ZNF721: variants seen among roughly 807,000 people sequenced by gnomAD.
ZNF721 encodes zinc finger protein 721.
Under a neutral mutation model 2.4 loss-of-function variants are expected in ZNF721, and 2 were observed. The observed-to-expected ratio is 0.82, with a 90% CI of 0.34 to 2.58. The LOEUF (loss-of-function observed/expected upper bound fraction) is 2.58. ZNF721 is among the 30% of genes most tolerant of loss of function. ZNF721 has a pLI of 0.11. For missense variants in ZNF721, 1,187 were observed against 1,085.5 expected, an observed-to-expected ratio of 1.09 and a Z score of -1.31; for synonymous variants, 398 against 381.8, an observed-to-expected ratio of 1.04 and a Z score of -0.50.
Position 442,729 on chromosome 4 carries a change from T to G in ZNF721, c.1738A>C (p.Thr580Pro), listed in dbSNP as rs1553863444. ...ANLYVHRRIH[T>P]GEKPYKCEEC... ...TCACATTTGTAAGGTTTCTCTCCAG[T>G]ATGAATTCTCCTATGTACATAAAGG... is the stretch of plus-strand genomic sequence containing the variant. Residue 580 changes from threonine to proline, a missense_variant, in exon 3 of 3, where the codon ACT (threonine) becomes CCT (proline). Coordinates refer to ENST00000511833, the MANE Select transcript of ZNF721 (RefSeq NM_133474.4). 6.2e-7 allele frequency: 1 copy of G among 1,614,220 alleles called. No homozygotes were observed. Among genetic ancestry groups the G allele is most frequent in the East Asian group, 2.2e-5 (1 of 44,882 alleles).
chr4:454,156 G>C (rs1714762759), intron 2 of ZNF721: 1 of 151,916 alleles, frequency 6.6e-6, no homozygotes, highest in South Asian at 2.1e-4. Flanking sequence ...GCAGTCCCCT[G>C]GGGGGGCCCT....
chr4:477,529 T>A (rs987034184), intron 1 of ZNF721, among the ~76,000 whole-genome samples: 1 of 152,042 alleles, frequency 6.6e-6, no homozygotes, highest in African/African-American at 2.4e-5. Context: ...TGAGCCACCG[T>A]GCCCGGCGCA....
chr4:490,926 C>G (rs1330833807), intron 1 of ZNF721, among the ~76,000 whole-genome samples: 1 of 151,222 alleles, frequency 6.6e-6, no homozygotes, highest in Non-Finnish European at 1.5e-5. Context: ...TGCACTCTAG[C>G]CTGGCAGGCA....
rs781793550 is a variant in ZNF721 at position 443,629 on chromosome 4, A to G, written c.838T>C (p.Leu280=). ...IHTGEKPFKC[L]ECGKAFNIST... is the part of the protein sequence containing the mutation. ...ATATTAAAGGCTTTACCACATTCTA[A>G]ACATTTAAAGGGTTTCTCGCCAGTA... The change falls in exon 3 of 3, where the codon TTA becomes CTA. Residue 280 remains leucine, a synonymous_variant. Coordinates refer to ENST00000511833, the MANE Select transcript of ZNF721 (RefSeq NM_133474.4). The G allele has an allele frequency of 1.2e-6, 2 of 1,613,514 alleles. No homozygotes were observed. The highest frequency in any genetic ancestry group is 4.5e-5 in the East Asian group (2 of 44,778).
chr4:492,916 T>C (rs191293410), intron 1 of ZNF721, among the ~76,000 whole-genome samples: 1 of 152,076 alleles, frequency 6.6e-6, no homozygotes, highest in Non-Finnish European at 1.5e-5. Flanking sequence ...ACAAAACTTA[T>C]TCACCTTTTT....
chr4:450,580 T>C (rs1331693933), intron 2 of ZNF721, among the ~76,000 whole-genome samples: 2 of 151,958 alleles, frequency 1.3e-5, no homozygotes, highest in East Asian at 1.9e-4. Flanking sequence ...CATCACTGTA[T>C]AAAAAATATC....
rs781989897 is a variant in ZNF721 at position 443,704 on chromosome 4, C to T, written c.763G>A (p.Gly255Ser). The T allele has an allele frequency of 6.2e-7, 1 of 1,614,086 alleles. No homozygotes were observed. Among genetic ancestry groups the T allele is most frequent in the Non-Finnish European group, 8.5e-7 (1 of 1,179,984 alleles). ...GEKPYKCKEC[G>S]KVISSSSSFA... ...CTTGAGGATGAGGAAATGACTTTGC[C>T]ACATTCCTTACATTTGTAGGGTTTC... Residue 255 changes from glycine (G) to serine (S), a missense_variant, in exon 3 of 3, where the codon GGC becomes AGC. Coordinates refer to ENST00000511833, the MANE Select transcript of ZNF721 (RefSeq NM_133474.4).
chr4:459,632 C>T (rs766598621), intron 2 of ZNF721, among the ~76,000 whole-genome samples: 6 of 152,044 alleles, frequency 3.9e-5, no homozygotes, highest in Non-Finnish European at 8.8e-5. Context: ...AGATCAAGAC[C>T]ATCCGTGGTT....
intron 1 of ZNF721, among the ~76,000 whole-genome samples, chr4:496,482 C>T (rs797035235): frequency 3.9e-5 from 6 of 152,234 alleles, no homozygotes; most frequent in African/African-American, 1.4e-4. Flanking sequence ...CAGACACCCT[C>T]ACGTGATTCT....
At chr4:488,225 T>C (rs1715943270) in intron 1 of ZNF721, among the ~76,000 whole-genome samples, 1 of 152,224 alleles carries the variant, frequency 6.6e-6, no homozygotes, top group Non-Finnish European at 1.5e-5. Context: ...TTGTGCTTTC[T>C]GTTCAATTAT....
At chr4:482,408 G>A (rs557163848) in intron 1 of ZNF721, among the ~76,000 whole-genome samples, 1 of 152,054 alleles carries the variant, frequency 6.6e-6, no homozygotes, top group Non-Finnish European at 1.5e-5. Context: ...CAGGGGATCC[G>A]CCCACCTCGG....
At chr4:444,581 A>T (rs1714412106) in intron 2 of ZNF721, 149 bp from the exon 3 acceptor site, 4 of 855,286 alleles carry the variant, frequency 4.7e-6, no homozygotes, top group Non-Finnish European at 6.9e-6. Flanking sequence ...TGTAACAAAC[A>T]TATGGTGATC....
chr4:459,123 A>C (rs1011031885), intron 2 of ZNF721, among the ~76,000 whole-genome samples: 13 of 152,216 alleles, frequency 8.5e-5, no homozygotes, highest in Non-Finnish European at 1.8e-4. Flanking sequence ...TGTCACCACC[A>C]GGCCTGCCTT....
intron 1 of ZNF721, among the ~76,000 whole-genome samples, chr4:474,872 T>A (rs1403340107): frequency 6.6e-6 from 1 of 151,382 alleles, no homozygotes; most frequent in African/African-American, 2.4e-5. Flanking sequence ...TGAGACTCCG[T>A]CTCAAAAAAT....
chr4:488,233 T>C (rs1314188560), intron 1 of ZNF721, among the ~76,000 whole-genome samples: 6 of 152,192 alleles, frequency 3.9e-5, no homozygotes, highest in Non-Finnish European at 8.8e-5. Flanking sequence ...TCTGTTCAAT[T>C]ATTTGTTCAA....
chr4:444,401 C>CA lies in ZNF721; in HGVS notation c.65dup (p.Leu22PhefsTer19), dbSNP rs782006060. The CA allele has an allele frequency of 5.0e-6, 8 of 1,590,414 alleles. No homozygotes were observed. Among genetic ancestry groups the CA allele is most frequent in the Non-Finnish European group, 6.8e-6 (8 of 1,170,578 alleles). On this transcript the variant is annotated frameshift_variant, in exon 3 of 3. Coordinates refer to ENST00000511833, the MANE Select transcript of ZNF721 (RefSeq NM_133474.4). LOFTEE classifies it low-confidence loss of function (END_TRUNC). ...ATGAATCTTCTATCCCCTGCACTGG[C>CA]AAAAAGTCTTGGGTGAAATGAGAAC... is the stretch of plus-strand genomic sequence containing the variant.
chr4:457,037 TCTGA>T (rs1360813486), intron 2 of ZNF721, among the ~76,000 whole-genome samples: 2 of 152,214 alleles, frequency 1.3e-5, no homozygotes, highest in African/African-American at 2.4e-5. Context: ...AGTTTTCAAC[TCTGA>T]CTATGTACTT....
At chr4:470,503 CAGA>C (rs1715397969) in intron 2 of ZNF721, among the ~76,000 whole-genome samples, 1 of 152,114 alleles carries the variant, frequency 6.6e-6, no homozygotes, top group Non-Finnish European at 1.5e-5. Flanking sequence ...CACTTGAGGT[CAGA>C]AGATCGAGAC....
intron 1 of ZNF721, among the ~76,000 whole-genome samples, chr4:480,167 TCCTCTAAAAACATAA>T (rs1247327617): frequency 6.6e-6 from 1 of 152,132 alleles, no homozygotes. Flanking sequence ...GTATTTGTCT[TCCTCTAAAAACATAA>T]CCCCAACTTT....
Sources: gnomAD v4.1 joint callset for allele counts (sites outside exome capture counted in the v4.1 genomes callset) on GRCh38, gnomAD v4.1.1 for gene constraint, MANE v1.5 for transcripts, NCBI Gene and HGNC (gene_info 2026-07-23, HGNC 2026-07-21) for gene names.